Variants in TBCD observed in about 807,000 individuals in gnomAD.
TBCD encodes tubulin-specific chaperone D.
A neutral mutation model predicts 169.3 loss-of-function variants in TBCD; 105 were observed. That is an observed-to-expected ratio of 0.62 (90% CI 0.53 to 0.73). The LOEUF (loss-of-function observed/expected upper bound fraction) is 0.73. Among genes scored for constraint, TBCD ranks in the 30% least tolerant of loss-of-function variants. The pLI is 0.00. For synonymous variants in TBCD, 700 were observed against 643.9 expected (o/e 1.09, Z -1.32); for missense variants, 1,444 against 1,600.1 (o/e 0.90, Z 1.66).
rs141324175 is a variant in TBCD at position 82,904,655 on chromosome 17, C to A, written c.1804+1177C>A. 4.5e-4 allele frequency among the ~76,000 whole-genome samples: 69 copies of A among 152,272 alleles called. 1 individual carries two copies. The East Asian group carries it at 9.3e-3, about 20-fold the overall frequency. On this transcript the variant is annotated intron_variant, in intron 19 of 38. Coordinates refer to ENST00000355528, the MANE Select transcript of TBCD (RefSeq NM_005993.5). ...CTCAATGTGTGTACCGTCACTCCCCCGACATTTATTACAGGGGCTACACTG... is the reference window on the plus strand; with the variant it reads ...CTCAATGTGTGTACCGTCACTCCCCAGACATTTATTACAGGGGCTACACTG...
chr17:82,904,399 C>T (rs1029207606), intron 19 of TBCD, among the ~76,000 whole-genome samples: 4 of 152,164 alleles, frequency 2.6e-5, no homozygotes, highest in African/African-American at 7.2e-5. Flanking sequence ...GTGGCTTGCA[C>T]CTGCCACACG....
At chr17:82,929,965 C>T (rs879587629) in intron 32 of TBCD, 36 of 308,874 alleles carry the variant, frequency 1.2e-4, no homozygotes, top group Middle Eastern at 1.1e-3. Flanking sequence ...TCTTGTCACT[C>T]GTGGCCCCTG....
intron 34 of TBCD, among the ~76,000 whole-genome samples, chr17:82,936,370 C>A (rs1030347582): frequency 6.6e-6 from 1 of 151,544 alleles, no homozygotes; most frequent in Admixed American, 6.5e-5. Flanking sequence ...TCCGCTTCGC[C>A]GTTCCCTGCG....
chr17:82,782,439 A>G lies in TBCD; in HGVS notation c.771+718A>G, dbSNP rs919539524. 2.6e-5 allele frequency among the ~76,000 whole-genome samples: 4 copies of G among 152,146 alleles called. No homozygotes were observed. Among genetic ancestry groups the G allele is most frequent in the African/African-American group, 9.7e-5 (4 of 41,428 alleles). On this transcript the variant is annotated intron_variant, in intron 7 of 38. Transcript: ENST00000355528. This position sits in a 1 kb window ranked among gnomAD's most constrained non-coding sequence, Gnocchi z 5.1. ...TTACAGCGGGTGAGGCTTTGAGAGCACTTCTCATCCTTGTCTCACGCTGTG... is the reference window on the plus strand; with the variant it reads ...TTACAGCGGGTGAGGCTTTGAGAGCGCTTCTCATCCTTGTCTCACGCTGTG...
In TBCD at chr17:82,767,375, TG is replaced by T. The variant is rs577581155; in HGVS notation, c.435+1008del. On this transcript the variant is annotated intron_variant, in intron 4 of 38. Transcript: ENST00000355528. Reference sequence around the variant, plus strand: ...GAATGATTGCAGGGACAAATTGGGATGTTTTTTACTAATTACTGAAAATAAG... The same window carrying T: ...GAATGATTGCAGGGACAAATTGGGATTTTTTTACTAATTACTGAAAATAAG... 8.5e-5 allele frequency among the ~76,000 whole-genome samples: 13 copies of T among 152,300 alleles called. 1 individual carries two copies. In the South Asian group the frequency reaches 2.5e-3, roughly 29 times the overall value.
intron 6 of TBCD, among the ~76,000 whole-genome samples, chr17:82,775,728 CTGGGGACTGTTGTGGGG>C (rs2048554573): frequency 8.9e-6 from 1 of 112,104 alleles, no homozygotes; most frequent in South Asian, 2.9e-4. Flanking sequence ...ACATCACACT[CTGGGGACTGTTGTGGGG>C]TGGGGGGAGG....
chr17:82,771,961 C>T (rs866720351), intron 5 of TBCD, among the ~76,000 whole-genome samples: 16 of 151,784 alleles, frequency 1.1e-4, no homozygotes, highest in Non-Finnish European at 2.9e-5. Context: ...AAAATATATA[C>T]ACCTACTATG....
intron 8 of TBCD, 129 bp downstream of exon 8, chr17:82,797,931 C>CT (rs1274506473): frequency 1.3e-4 from 20 of 150,560 alleles, no homozygotes; most frequent in South Asian, 5.0e-4. Context: ...CACTATCGTT[C>CT]TTTTTTTTGT....
rs2053672365 is a variant in TBCD, at chr17:82,833,230, A to G, written c.1318+18296A>G. On this transcript the variant is annotated intron_variant, in intron 13 of 38. Transcript: ENST00000355528. The surrounding 1 kb of genome is among the most constrained non-coding windows in gnomAD (Gnocchi z 4.7). Reference sequence around the variant, plus strand: ...GGCTGGCCACCGTCTACTTGCTCCTACCTGCTGGCTGGGAGCTCTCCCAAG... The same window carrying G: ...GGCTGGCCACCGTCTACTTGCTCCTGCCTGCTGGCTGGGAGCTCTCCCAAG... 6.6e-6 allele frequency among the ~76,000 whole-genome samples: 1 copy of G among 151,796 alleles called. No individual in the cohort carries two copies. The highest frequency in any genetic ancestry group is 1.5e-5 in the Non-Finnish European group (1 of 67,960).
rs1349243362 is a variant in TBCD at position 82,850,033 on chromosome 17, C to T, written c.1319-20191C>T. On this transcript the variant is annotated intron_variant, in intron 13 of 38. Coordinates refer to ENST00000355528, the MANE Select transcript of TBCD (RefSeq NM_005993.5). ...GTTGGCTGTGCTGTTGTTGGCTGTGCTGTTGTTGGCTGTGCTGTTGTTGGC... is the reference window on the plus strand; with the variant it reads ...GTTGGCTGTGCTGTTGTTGGCTGTGTTGTTGTTGGCTGTGCTGTTGTTGGC... 5.8e-3 allele frequency among the ~76,000 whole-genome samples: 535 copies of T among 92,992 alleles called. 30 individuals carry two copies. The highest frequency in any genetic ancestry group is 0.022 in the African/African-American group (497 of 22,524). 61.0% of individuals were successfully genotyped at this position (92,992 alleles called of 152,430 possible).
chr17:82,877,115 C>T (rs780252600), intron 14 of TBCD: 2 of 467,656 alleles, frequency 4.3e-6, no homozygotes, highest in Non-Finnish European at 5.6e-6. Context: ...TGTGACCTTT[C>T]AGTAGTATTG....
At chr17:82,865,077 G>A (rs548943974) in intron 13 of TBCD, among the ~76,000 whole-genome samples, 4 of 152,322 alleles carry the variant, frequency 2.6e-5, no homozygotes, top group African/African-American at 9.6e-5. Context: ...TCTCTACAAC[G>A]TCCTGTGGGA....
In TBCD at chr17:82,929,219, C is replaced by T; in HGVS notation, c.2800C>T (p.Pro934Ser). 6 of 1,613,954 alleles carry T rather than the reference C, an allele frequency of 3.7e-6. No individual in the cohort carries two copies. Among genetic ancestry groups the T allele is most frequent in the Non-Finnish European group, 5.1e-6 (6 of 1,179,892 alleles). ...VFLTLLHFDS[P>S]PIPHVPHRGE... Reference sequence around the variant, plus strand: ...CCTGACGCTCCTGCACTTTGACAGCCCTCCCATCCCCCACGTGCCCCACCG... The same window carrying T: ...CCTGACGCTCCTGCACTTTGACAGCTCTCCCATCCCCCACGTGCCCCACCG... The change falls in exon 31 of 39, where the codon CCT (proline) becomes TCT (serine). Residue 934 changes from proline to serine, a missense_variant. Physicochemically the swap from Pro to Ser is moderately conservative, Grantham distance 74. Transcript: ENST00000355528.
In TBCD at chr17:82,847,348, A is replaced by G. The variant is rs563480142; in HGVS notation, c.1319-22876A>G. ...AGCCTGGGCAACAGAGCGAGACTCC[A>G]TGTCAAAGAAAAAAAAAAAAAAAAA... On this transcript the variant is annotated intron_variant, in intron 13 of 38. Coordinates refer to ENST00000355528, the MANE Select transcript of TBCD (RefSeq NM_005993.5). Among the ~76,000 whole-genome samples the G allele has an allele frequency of 7.1e-5, 9 of 126,482 alleles. No homozygotes were observed. In the South Asian group the frequency reaches 2.6e-3, roughly 36 times the overall value. 83.0% of individuals were successfully genotyped at this position (126,482 alleles called of 152,430 possible).
rs548672107 is a variant in TBCD at position 82,923,323 on chromosome 17, C to T, written c.2179-329C>T. 6.6e-5 allele frequency among the ~76,000 whole-genome samples: 10 copies of T among 152,310 alleles called. No individual in the cohort carries two copies. The highest frequency in any genetic ancestry group is 6.2e-4 in the South Asian group (3 of 4,824). On this transcript the variant is annotated intron_variant, in intron 25 of 38. Transcript: ENST00000355528. This position sits in a 1 kb window ranked among gnomAD's most constrained non-coding sequence, Gnocchi z 4.6. ...TATCTGACAGATGATGGTGAGCAGGCGTGCTGGAAAGGAGTAGCATGACTT... is the reference window on the plus strand; with the variant it reads ...TATCTGACAGATGATGGTGAGCAGGTGTGCTGGAAAGGAGTAGCATGACTT...
chr17:82,924,743 ACT>A (rs1309223811), intron 26 of TBCD, among the ~76,000 whole-genome samples, 194 bp from the exon 27 acceptor site: 1 of 151,836 alleles, frequency 6.6e-6, no homozygotes. Context: ...ACAGAATGAG[ACT>A]CTCTCAAAAA....
intron 13 of TBCD, among the ~76,000 whole-genome samples, chr17:82,820,944 C>T (rs1283175226): frequency 6.6e-6 from 1 of 152,108 alleles, no homozygotes; most frequent in African/African-American, 2.4e-5. Flanking sequence ...CAGAATTTCT[C>T]TTTAGTTTCT....
chr17:82,851,769 C>T (rs762475474), intron 13 of TBCD, among the ~76,000 whole-genome samples: 1 of 152,182 alleles, frequency 6.6e-6, no homozygotes, highest in African/African-American at 2.4e-5. Flanking sequence ...GCCTTACACA[C>T]GGAAGGGAGC....
intron 5 of TBCD, among the ~76,000 whole-genome samples, chr17:82,770,706 T>C (rs1163654381): frequency 5.9e-5 from 9 of 151,640 alleles, no homozygotes; most frequent in African/African-American, 1.7e-4. Context: ...TGGCACTCTG[T>C]GATTGCCGTT....
Sources: gnomAD v4.1 joint callset for allele counts (sites outside exome capture counted in the v4.1 genomes callset) on GRCh38, gnomAD v4.1.1 for gene constraint, Gnocchi (gnomAD v3.1) non-coding constraint, MANE v1.5 for transcripts, NCBI Gene and HGNC (gene_info 2026-07-23, HGNC 2026-07-21) for gene names.